KATNAL2: variants seen among roughly 807,000 people sequenced by gnomAD.
The protein encoded by KATNAL2 is katanin catalytic subunit A1 like 2.
KATNAL2 carries 52 observed loss-of-function variants against 76.3 expected under a neutral mutation model. The ratio of observed to expected loss-of-function variants is 0.68; its 90% CI spans 0.55 to 0.86. The LOEUF is 0.86. Ranked by LOEUF, KATNAL2 falls within the 40% of genes least tolerant of loss-of-function variation. KATNAL2 has a pLI of 0.00. For synonymous variants in KATNAL2, 243 were observed against 244.2 expected, an observed-to-expected ratio of 1.00 and a Z score of 0.05; for missense variants, 660 against 668.9, an observed-to-expected ratio of 0.99 and a Z score of 0.15.
At chr18:46,924,203 T>G (rs909098236) in intron 1 of KATNAL2, among the ~76,000 whole-genome samples, 5 of 152,214 alleles carry the variant, frequency 3.3e-5, no homozygotes, top group African/African-American at 4.8e-5. Flanking sequence ...GTTTTTATGG[T>G]TTTAGGTCTA....
At chr18:47,034,292 G>A in intron 3 of KATNAL2, 2 of 1,613,576 alleles carry the variant, frequency 1.2e-6, no homozygotes, top group Non-Finnish European at 1.7e-6. Context: ...CCATTTCCTG[G>A]GTCCCGGCCG....
At chr18:46,955,183 T>TTTCTTTCC (rs1477692403) in intron 3 of KATNAL2, among the ~76,000 whole-genome samples, 13 of 147,580 alleles carry the variant, frequency 8.8e-5, no homozygotes, top group South Asian at 2.2e-4. Context: ...TCTTTCTTTC[T>TTTCTTTCC]TTCCTCTCTC....
At chr18:47,090,722 G>C (rs2062964989) in intron 15 of KATNAL2, among the ~76,000 whole-genome samples, 1 of 152,190 alleles carries the variant, frequency 6.6e-6, no homozygotes, top group South Asian at 2.1e-4. Flanking sequence ...TAGACAAAGT[G>C]AAAGTTCCAC....
chr18:46,945,580 G>A (rs1370700749), intron 1 of KATNAL2, among the ~76,000 whole-genome samples: 1 of 152,176 alleles, frequency 6.6e-6, no homozygotes, highest in African/African-American at 2.4e-5. Flanking sequence ...ATAGTGAAAA[G>A]AGCACTGGCT....
At chr18:46,930,618 C>T (rs2058877332) in intron 1 of KATNAL2, among the ~76,000 whole-genome samples, 2 of 151,758 alleles carry the variant, frequency 1.3e-5, no homozygotes, top group Admixed American at 1.3e-4. Context: ...GAGTTCGAGA[C>T]CAGCCTGGCC....
At chr18:46,925,815 G>A (rs1161745320) in intron 1 of KATNAL2, among the ~76,000 whole-genome samples, 1 of 152,098 alleles carries the variant, frequency 6.6e-6, no homozygotes, top group Non-Finnish European at 1.5e-5. Flanking sequence ...AGTCTTGGGA[G>A]GATGTATGTG....
intron 4 of KATNAL2, among the ~76,000 whole-genome samples, chr18:47,049,115 G>A (rs997926383): frequency 6.6e-6 from 1 of 152,162 alleles, no homozygotes; most frequent in Middle Eastern, 3.4e-3. Context: ...GAGCCACCGC[G>A]CCCAGCCCAG....
chr18:47,092,620 T>C lies in KATNAL2; in HGVS notation c.1212-6623T>C, dbSNP rs543335165. Among the ~76,000 whole-genome samples the C allele has an allele frequency of 1.1e-3, 164 of 152,326 alleles. 1 individual carries two copies. Among genetic ancestry groups the C allele is most frequent in the Middle Eastern group, 0.01 (3 of 294 alleles). On this transcript the variant is annotated intron_variant, in intron 15 of 17. Transcript: ENST00000683218. ...GATGGACTCTTGATACATTGAGACA[T>C]TCCAGGCATTCTATGAGTTTCATCT...
chr18:47,084,289 T>C, intron 15 of KATNAL2: 1 of 701,384 alleles, frequency 1.4e-6, no homozygotes, highest in Non-Finnish European at 2.6e-6. Context: ...TGCATGCATG[T>C]GATTGGAGGG....
chr18:47,031,997 G>A (rs927204284), intron 3 of KATNAL2, among the ~76,000 whole-genome samples: 5 of 152,292 alleles, frequency 3.3e-5, no homozygotes, highest in Admixed American at 2.0e-4. Context: ...GCTAGCAGAC[G>A]TCCGTGTGAT....
chr18:46,947,026 T>C, intron 3 of KATNAL2, 103 bp downstream of exon 3: 1 of 859,336 alleles, frequency 1.2e-6, no homozygotes, highest in Non-Finnish European at 1.9e-6. Context: ...CAGAGTCCGC[T>C]ACTAGAGAAG....
At chr18:47,074,609 T>C (rs1349822163) in intron 13 of KATNAL2, among the ~76,000 whole-genome samples, 4 of 152,208 alleles carry the variant, frequency 2.6e-5, no homozygotes, top group African/African-American at 7.2e-5. Context: ...TATTTTGTTT[T>C]TATATGTCTG....
In KATNAL2 at chr18:46,917,651, C is replaced by A; in HGVS notation, c.-785C>A. 1 of 743,830 alleles carries A rather than the reference C, an allele frequency of 1.3e-6. No individual in the cohort carries two copies. The highest frequency in any genetic ancestry group is 1.6e-6 in the Non-Finnish European group (1 of 606,766). The allele number at this position is 743,830 out of a possible 1,614,324, so 46.1% of individuals were successfully genotyped here. A position where few individuals can be genotyped will look rare whatever the true frequency, so the allele number is the denominator to read the frequency against. ...CCGCGCCTGCCCCGGCGTGCTGCCC[C>A]GCGGCTTGGCCCCGCTCGGCCCCAG... On this transcript the variant is annotated 5_prime_UTR_variant, in exon 1 of 18. Coordinates refer to ENST00000683218, the MANE Select transcript of KATNAL2 (RefSeq NM_001387690.1).
chr18:46,949,395 G>A (rs1309125780), intron 3 of KATNAL2, among the ~76,000 whole-genome samples: 1 of 152,130 alleles, frequency 6.6e-6, no homozygotes, highest in East Asian at 1.9e-4. Flanking sequence ...TGGAACCACA[G>A]GCATGTACCA....
chr18:47,073,091 C>A (rs978311652), intron 13 of KATNAL2, among the ~76,000 whole-genome samples: 1 of 152,128 alleles, frequency 6.6e-6, no homozygotes, highest in Non-Finnish European at 1.5e-5. Flanking sequence ...GATTACTTGC[C>A]AACAGGGTTG....
intron 4 of KATNAL2, among the ~76,000 whole-genome samples, chr18:47,049,504 T>G (rs2061274427): frequency 1.3e-5 from 2 of 152,220 alleles, no homozygotes; most frequent in Admixed American, 1.3e-4. Context: ...TGTGCAGCAC[T>G]TGGAGCAGTA....
At chr18:46,936,383 A>G (rs1469555273) in intron 1 of KATNAL2, among the ~76,000 whole-genome samples, 1 of 152,224 alleles carries the variant, frequency 6.6e-6, no homozygotes, top group African/African-American at 2.4e-5. Context: ...CTAGAAGTCA[A>G]TAATGAATAA....
chr18:47,036,213 G>T (rs944867524), intron 3 of KATNAL2, among the ~76,000 whole-genome samples: 4 of 152,214 alleles, frequency 2.6e-5, no homozygotes, highest in African/African-American at 9.6e-5. Context: ...GACGCCTCAT[G>T]ATCTCCTTTT....
chr18:47,095,765 AG>A (rs2063206945), intron 15 of KATNAL2, among the ~76,000 whole-genome samples: 1 of 152,238 alleles, frequency 6.6e-6, no homozygotes, highest in Non-Finnish European at 1.5e-5. Context: ...TGACCAGTCA[AG>A]GGGAACAGCA....
Sources: allele counts gnomAD v4.1 joint callset (sites outside exome capture counted in the v4.1 genomes callset), GRCh38; gene constraint gnomAD v4.1.1; transcripts MANE v1.5; gene names NCBI Gene and HGNC (gene_info 2026-07-23, HGNC 2026-07-21).